The following KREMEN1 variants were observed in gnomAD, a reference collection of about 807,000 sequenced individuals.
KREMEN1 encodes kremen protein 1.
In KREMEN1, 30 loss-of-function variants were observed where a neutral mutation model predicts 46.5. The observed-to-expected ratio is 0.65, with a 90% confidence interval of 0.48 to 0.88. The LOEUF (loss-of-function observed/expected upper bound fraction) is 0.88. KREMEN1 is among the 40% of genes least tolerant of loss of function. The pLI, the probability that KREMEN1 is intolerant of heterozygous loss-of-function variation, is 0.00. For synonymous variants in KREMEN1, 214 were observed against 230.6 expected (o/e 0.93, Z 0.65); for missense variants, 533 against 596.9 (o/e 0.89, Z 1.11).
At chr22:29,131,702 A>ATATATATG (rs1229221897) in intron 5 of KREMEN1, among the ~76,000 whole-genome samples, 5 of 93,334 alleles carry the variant, frequency 5.4e-5, no homozygotes, top group African/African-American at 2.1e-4. Flanking sequence ...ATATATGTGT[A>ATATATATG]TATATATGTA....
intron 6 of KREMEN1, 78 bp downstream of exon 6, chr22:29,137,752 G>A: frequency 8.2e-7 from 1 of 1,223,624 alleles, no homozygotes; most frequent in Non-Finnish European, 1.1e-6. Context: ...TTGTGACTTG[G>A]GCAGTTCTTG....
chr22:29,129,944 G>C (rs571547706), intron 5 of KREMEN1, among the ~76,000 whole-genome samples: 2 of 152,300 alleles, frequency 1.3e-5, no homozygotes, highest in South Asian at 4.1e-4. Flanking sequence ...TAACCAAACA[G>C]AAGAACATGT....
Position 29,165,763 on chromosome 22 carries a change from G to A in KREMEN1, c.1417-1281G>A, listed in dbSNP as rs141961020. On this transcript the variant is annotated intron_variant, in intron 9 of 9. Transcript: ENST00000327813. ...GCAAGGACTGATAGAAGTGTCCCCC[G>A]AACCCCATTCAACGCTGGACTCCAG... 2.0e-3 allele frequency among the ~76,000 whole-genome samples: 310 copies of A among 152,252 alleles called. 1 individual carries two copies. The highest frequency in any genetic ancestry group is 6.5e-3 in the African/African-American group (268 of 41,544).
At chr22:29,132,421 A>G (rs748268891) in intron 5 of KREMEN1, among the ~76,000 whole-genome samples, 26 of 152,150 alleles carry the variant, frequency 1.7e-4, no homozygotes, top group Non-Finnish European at 3.5e-4. Flanking sequence ...TGCTAAGTGC[A>G]TATTTAGCAT....
intron 3 of KREMEN1, among the ~76,000 whole-genome samples, chr22:29,101,754 G>C (rs1358440406): frequency 1.3e-5 from 2 of 152,162 alleles, no homozygotes; most frequent in Non-Finnish European, 2.9e-5. Context: ...GGAGTGACAG[G>C]CTATCCCATT....
intron 4 of KREMEN1, among the ~76,000 whole-genome samples, chr22:29,121,837 T>C (rs2038362049): frequency 6.6e-6 from 1 of 152,222 alleles, no homozygotes; most frequent in Non-Finnish European, 1.5e-5. Flanking sequence ...GTTATGTGAA[T>C]TACATTTCAG....
chr22:29,132,871 G>C (rs1180953207), intron 5 of KREMEN1, among the ~76,000 whole-genome samples: 1 of 152,128 alleles, frequency 6.6e-6, no homozygotes, highest in South Asian at 2.1e-4. Flanking sequence ...CTTGTGACTT[G>C]TATGGTTTTT....
intron 1 of KREMEN1, among the ~76,000 whole-genome samples, chr22:29,082,097 T>TTATCTCCTTTTCATCTAACTGA (rs11272976): frequency 0.65 from 98,365 of 151,940 alleles, 32,078 homozygotes; most frequent in Middle Eastern, 0.78. Context: ...TATATCCAGT[T>TTATCTCCTTTTCATCTAACTGA]GACCTTCAGA....
rs560051894 is a variant in KREMEN1, at chr22:29,142,454, A to G, written c.*342A>G. ...CATGGCTGGCACAGGGCTCAGGTAC[A>G]TTCTAGATGGCTGTCAGGTGGTGGG... On this transcript the variant is annotated 3_prime_UTR_variant, in exon 9 of 9. Transcript: ENST00000400335. 1.1e-5 allele frequency: 11 copies of G among 1,040,562 alleles called. No individual in the cohort carries two copies. Among genetic ancestry groups the G allele is most frequent in the African/African-American group, 1.7e-5 (1 of 59,522 alleles). 64.5% of individuals were successfully genotyped at this position (1,040,562 alleles called of 1,614,324 possible).
At position 29,142,875 on chromosome 22, in the gene KREMEN1, C is replaced by T. The variant is rs1327046512; in HGVS notation, c.*763C>T. 5.9e-5 allele frequency: 58 copies of T among 985,192 alleles called. No individual in the cohort carries two copies. Among genetic ancestry groups the T allele is most frequent in the Middle Eastern group, 1.0e-3 (2 of 1,914 alleles). The allele number at this position is 985,192 out of a possible 1,614,324, so 61.0% of individuals were successfully genotyped here. On this transcript the variant is annotated 3_prime_UTR_variant, in exon 9 of 9. Coordinates refer to ENST00000400335, the MANE Select transcript of KREMEN1 (RefSeq NM_001039570.3). ...CATATAAAACATCCATTCAGCTGGGCGCGATGGCTCATGCCTGTAATCCCA... is the reference window on the plus strand; with the variant it reads ...CATATAAAACATCCATTCAGCTGGGTGCGATGGCTCATGCCTGTAATCCCA...
chr22:29,114,911 A>C (rs2038213060), intron 3 of KREMEN1, among the ~76,000 whole-genome samples: 3 of 152,242 alleles, frequency 2.0e-5, no homozygotes, highest in Non-Finnish European at 4.4e-5. Flanking sequence ...TGATTAAGAT[A>C]AAATGTTAAG....
intron 1 of KREMEN1, among the ~76,000 whole-genome samples, chr22:29,093,233 G>A (rs2037829385): frequency 6.6e-6 from 1 of 152,138 alleles, no homozygotes; most frequent in African/African-American, 2.4e-5. Flanking sequence ...GGCATTAAGA[G>A]TCCTTAATAC....
chr22:29,136,230 G>A (rs2038654112), intron 5 of KREMEN1, among the ~76,000 whole-genome samples: 1 of 150,936 alleles, frequency 6.6e-6, no homozygotes, highest in Non-Finnish European at 1.5e-5. Flanking sequence ...ACTGCTTGTT[G>A]TTTTCTACAT....
chr22:29,100,586 A>G (rs375884961), intron 3 of KREMEN1, among the ~76,000 whole-genome samples: 2 of 152,236 alleles, frequency 1.3e-5, no homozygotes, highest in Non-Finnish European at 2.9e-5. Context: ...TGTACAGTAC[A>G]TAATACTTGA....
At chr22:29,103,935 G>A (rs1042967128) in intron 3 of KREMEN1, among the ~76,000 whole-genome samples, 1 of 151,992 alleles carries the variant, frequency 6.6e-6, no homozygotes, top group African/African-American at 2.4e-5. Flanking sequence ...ACTAGGTAGG[G>A]GTAAGGGAAA....
At chr22:29,131,470 T>C (rs191852223) in intron 5 of KREMEN1, among the ~76,000 whole-genome samples, 2 of 145,080 alleles carry the variant, frequency 1.4e-5, no homozygotes, top group African/African-American at 5.3e-5. Flanking sequence ...TCCTTTGTGG[T>C]CAGTTCCCTT....
chr22:29,165,777 G>A (rs1032549363), intron 9 of KREMEN1, among the ~76,000 whole-genome samples: 5 of 152,146 alleles, frequency 3.3e-5, no homozygotes, highest in Admixed American at 6.5e-5. Flanking sequence ...CCCATTCAAC[G>A]CTGGACTCCA....
rs535667536 is a variant in KREMEN1 at position 29,140,411 on chromosome 22, C to T, written c.1208+45C>T. ...GCCCAATTCCAGGAAAGGGAAGGCT[C>T]AGAGTTCATTTTCTATGATGCTTCA... is the stretch of plus-strand genomic sequence containing the variant. On this transcript the variant is annotated intron_variant, in intron 8 of 8. Coordinates refer to ENST00000400335, the MANE Select transcript of KREMEN1 (RefSeq NM_001039570.3). The T allele has an allele frequency of 2.5e-5, 35 of 1,386,664 alleles. No homozygotes were observed. The African/African-American group carries it at 3.3e-4, about 13-fold the overall frequency. The allele number at this position is 1,386,664 out of a possible 1,614,324, so 85.9% of individuals were successfully genotyped here.
At chr22:29,126,653 A>C (rs1212919759) in intron 5 of KREMEN1, among the ~76,000 whole-genome samples, 1 of 152,202 alleles carries the variant, frequency 6.6e-6, no homozygotes, top group Non-Finnish European at 1.5e-5. Flanking sequence ...TTTCTAGGGG[A>C]CACAATTCAG....
Sources: gnomAD v4.1 joint callset for allele counts (sites outside exome capture counted in the v4.1 genomes callset) on GRCh38, gnomAD v4.1.1 for gene constraint, MANE v1.5 for transcripts, NCBI Gene and HGNC (gene_info 2026-07-23, HGNC 2026-07-21) for gene names.